SKAP2: variants seen among roughly 807,000 people sequenced by gnomAD.
SKAP2 encodes the protein src kinase-associated phosphoprotein 2.
SKAP2 carries 28 observed loss-of-function variants against 54.9 expected under a neutral mutation model. The observed-to-expected ratio is 0.51, with a 90% confidence interval of 0.38 to 0.70. SKAP2 has a LOEUF of 0.70. Ranked by LOEUF, SKAP2 falls within the 30% of genes least tolerant of loss-of-function variation. The probability of loss-of-function intolerance (pLI) is 0.00; values close to 1 mark genes in which losing one functional copy is unlikely to be tolerated. For synonymous variants in SKAP2, 137 were observed against 134.3 expected (o/e 1.02, Z -0.14); for missense variants, 356 against 424.1 (o/e 0.84, Z 1.41).
In SKAP2 at chr7:26,786,521, G is replaced by A. The variant is rs113275726; in HGVS notation, c.308-46557C>T. On this transcript the variant is annotated intron_variant, in intron 4 of 12. Transcript: ENST00000345317. ...ATGAGCTGAACTGAGGAATATAAAA[G>A]TATCAGTCAGGTCAAGATGGGGGAA... 4.8e-4 allele frequency among the ~76,000 whole-genome samples: 73 copies of A among 152,234 alleles called. 1 individual carries two copies. Among genetic ancestry groups the A allele is most frequent in the African/African-American group, 1.7e-3 (72 of 41,548 alleles).
chr7:26,854,110 TCAAGTTTGC>T lies in SKAP2; in HGVS notation c.199+18_199+26del, dbSNP rs776449644. 5 of 1,541,366 alleles carry T rather than the reference TCAAGTTTGC, an allele frequency of 3.2e-6. 1 individual carries two copies. In the South Asian group the frequency reaches 6.1e-5, roughly 19 times the overall value. ...AAATTTCCACAGAGGAAAAAAATTT[TCAAGTTTGC>T]CAAACATGAAAACTTACCTTTGTCT... is the stretch of plus-strand genomic sequence containing the variant. On this transcript the variant is annotated intron_variant, in intron 3 of 12. Coordinates refer to ENST00000345317, the MANE Select transcript of SKAP2 (RefSeq NM_003930.5).
At chr7:26,721,274 G>T (rs1015108639) in intron 9 of SKAP2, among the ~76,000 whole-genome samples, 1 of 152,058 alleles carries the variant, frequency 6.6e-6, no homozygotes, top group Admixed American at 6.5e-5. Context: ...AAGCCAAAAT[G>T]TATTTTGGGG....
intron 4 of SKAP2, among the ~76,000 whole-genome samples, chr7:26,803,767 C>T (rs959700818): frequency 6.6e-6 from 1 of 152,116 alleles, no homozygotes; most frequent in South Asian, 2.1e-4. Flanking sequence ...TACATATACA[C>T]AATGGAGTAC....
At chr7:26,788,533 C>CA (rs1294389474) in intron 4 of SKAP2, among the ~76,000 whole-genome samples, 1 of 151,948 alleles carries the variant, frequency 6.6e-6, no homozygotes, top group East Asian at 1.9e-4. Flanking sequence ...CCAAAACTGT[C>CA]AGAATTTAAA....
intron 9 of SKAP2, among the ~76,000 whole-genome samples, chr7:26,710,954 CATG>C (rs748409921): frequency 1.4e-4 from 21 of 152,046 alleles, no homozygotes; most frequent in Non-Finnish European, 2.4e-4. Context: ...ACTATTATAC[CATG>C]ATACTATACT....
chr7:26,814,708 A>G (rs945723197), intron 4 of SKAP2, among the ~76,000 whole-genome samples: 2 of 152,118 alleles, frequency 1.3e-5, no homozygotes, highest in Non-Finnish European at 2.9e-5. Flanking sequence ...AAACCTCTAA[A>G]GGGCCTTGTA....
intron 9 of SKAP2, among the ~76,000 whole-genome samples, chr7:26,691,528 T>C (rs1786781320): frequency 6.6e-6 from 1 of 152,200 alleles, no homozygotes; most frequent in African/African-American, 2.4e-5. Context: ...CATTGGATAT[T>C]AACTAACTGT....
intron 4 of SKAP2, among the ~76,000 whole-genome samples, chr7:26,820,490 C>A (rs973236963): frequency 6.6e-6 from 1 of 151,972 alleles, no homozygotes; most frequent in Non-Finnish European, 1.5e-5. Flanking sequence ...CAAAATAATC[C>A]AGTTAATGCT....
chr7:26,825,389 A>C (rs1253638055), intron 4 of SKAP2, among the ~76,000 whole-genome samples: 1 of 152,168 alleles, frequency 6.6e-6, no homozygotes, highest in East Asian at 1.9e-4. Flanking sequence ...AATAAAAAGC[A>C]TGTCTATCCA....
intron 9 of SKAP2, among the ~76,000 whole-genome samples, chr7:26,706,221 GT>G (rs1375704795): frequency 2.6e-5 from 4 of 151,994 alleles, no homozygotes; most frequent in Non-Finnish European, 5.9e-5. Context: ...GTTTTTATTA[GT>G]TTGAATAAAA....
chr7:26,666,876 TC>T (rs1206271318), downstream of SKAP2, among the ~76,000 whole-genome samples: 1 of 152,180 alleles, frequency 6.6e-6, no homozygotes, highest in Non-Finnish European at 1.5e-5. Context: ...TATCCTTACT[TC>T]TTTGAATAAA....
At chr7:26,791,068 A>G (rs1783665289) in intron 4 of SKAP2, among the ~76,000 whole-genome samples, 3 of 152,152 alleles carry the variant, frequency 2.0e-5, no homozygotes, top group Admixed American at 2.0e-4. Context: ...TCCAGGATGT[A>G]CAGTTGCCAA....
chr7:26,855,903 A>T (rs918699401), intron 1 of SKAP2, among the ~76,000 whole-genome samples: 1 of 152,068 alleles, frequency 6.6e-6, no homozygotes, highest in Non-Finnish European at 1.5e-5. Context: ...TATGGAAGGG[A>T]TTTGTGTTTT....
chr7:26,786,375 G>C (rs1783545098), intron 4 of SKAP2, among the ~76,000 whole-genome samples: 1 of 152,152 alleles, frequency 6.6e-6, no homozygotes, highest in African/African-American at 2.4e-5. Flanking sequence ...AAACATATAA[G>C]TAAGATTATT....
rs1785106560 is a variant in SKAP2, at chr7:26,854,063, ATG to A, written c.199+72_199+73del. On this transcript the variant is annotated intron_variant, in intron 3 of 12. Transcript: ENST00000345317. Reference sequence around the variant, plus strand: ...TTAATTCCAACTATCAAATTTCAGTATGTGTTAGATTATCCTATTGAAAATTT... The same window carrying A: ...TTAATTCCAACTATCAAATTTCAGTATGTTAGATTATCCTATTGAAAATTT... The A allele has an allele frequency of 8.8e-6, 8 of 910,202 alleles. No homozygotes were observed. The Admixed American group carries it at 1.8e-4, about 20-fold the overall frequency. The allele number at this position is 910,202 out of a possible 1,614,324, so 56.4% of individuals were successfully genotyped here.
intron 4 of SKAP2, among the ~76,000 whole-genome samples, chr7:26,764,923 T>C (rs1470159142): frequency 6.6e-6 from 1 of 152,242 alleles, no homozygotes; most frequent in Admixed American, 6.5e-5. Context: ...CTATTGTGAA[T>C]AGTGGTGCAA....
At chr7:26,735,369 T>G (rs997642693) in intron 6 of SKAP2, among the ~76,000 whole-genome samples, 1 of 152,156 alleles carries the variant, frequency 6.6e-6, no homozygotes, top group African/African-American at 2.4e-5. Flanking sequence ...TCATAAGGTG[T>G]TAAAATACAT....
At chr7:26,775,969 T>A (rs1783298054) in intron 4 of SKAP2, among the ~76,000 whole-genome samples, 1 of 152,164 alleles carries the variant, frequency 6.6e-6, no homozygotes, top group Non-Finnish European at 1.5e-5. Context: ...ACTTTTCATG[T>A]TTCATTCCTC....
intron 3 of SKAP2, among the ~76,000 whole-genome samples, chr7:26,848,501 T>C (rs1220488727): frequency 6.9e-6 from 1 of 144,226 alleles, no homozygotes; most frequent in Middle Eastern, 3.4e-3. Context: ...GTGTCACACT[T>C]AGGTTCCGTC....
Sources: allele counts gnomAD v4.1 joint callset (sites outside exome capture counted in the v4.1 genomes callset), GRCh38; gene constraint gnomAD v4.1.1; transcripts MANE v1.5; gene names NCBI Gene and HGNC (gene_info 2026-07-23, HGNC 2026-07-21).